GIN1: variants seen among roughly 807,000 people sequenced by gnomAD.
GIN1 encodes gypsy retrotransposon integrase 1.
A neutral mutation model predicts 51.4 loss-of-function variants in GIN1; 41 were observed. The ratio of observed to expected loss-of-function variants is 0.80; its 90% confidence interval spans 0.62 to 1.04. The LOEUF (loss-of-function observed/expected upper bound fraction) is 1.04. Among genes scored for constraint, GIN1 ranks in the 50% least tolerant of loss-of-function variants. GIN1 has a pLI of 0.00. For missense variants in GIN1, 610 were observed against 612.4 expected (o/e 1.00, Z 0.04); for synonymous variants, 222 against 206.5 (o/e 1.07, Z -0.64).
intron 7 of GIN1, among the ~76,000 whole-genome samples, chr5:103,095,032 C>T (rs1554194869): frequency 2.0e-5 from 3 of 152,196 alleles, no homozygotes; most frequent in Non-Finnish European, 4.4e-5. Flanking sequence ...AAGCAGCCCA[C>T]ATGGGCTTTA....
intron 3 of GIN1, 45 bp downstream of exon 3, chr5:103,106,671 A>G (rs368380917): frequency 6.7e-5 from 75 of 1,119,212 alleles, no homozygotes; most frequent in Non-Finnish European, 9.4e-5. Context: ...TTAAGTATCT[A>G]TCAGAAAGAC....
At position 103,088,175 on chromosome 5, in the gene GIN1, G is replaced by A. The variant is rs577389717; in HGVS notation, c.1295-3C>T. 2 of 1,449,772 alleles carry A rather than the reference G, an allele frequency of 1.4e-6. No homozygotes were observed. The highest frequency in any genetic ancestry group is 1.8e-4 in the Middle Eastern group (1 of 5,478). The allele number at this position is 1,449,772 out of a possible 1,614,324, so 89.8% of individuals were successfully genotyped here. Reference sequence around the variant, plus strand: ...ACCTTGCAAGAGATAAAGACTTTCTGAAAAAAGAAAAATCATACATTTGAC... The same window carrying A: ...ACCTTGCAAGAGATAAAGACTTTCTAAAAAAAGAAAAATCATACATTTGAC... On this transcript the variant is annotated splice_polypyrimidine_tract_variant and splice_region_variant and intron_variant, in intron 7 of 7. Transcript: ENST00000399004.
chr5:103,115,631 T>G (rs1788011339), intron 1 of GIN1, among the ~76,000 whole-genome samples: 1 of 152,314 alleles, frequency 6.6e-6, no homozygotes, highest in South Asian at 2.1e-4. Context: ...CAAATGTGAA[T>G]GTACTTAAAG....
chr5:103,097,828 A>C (rs1787452005), intron 4 of GIN1, 47 bp from the exon 5 acceptor site: 1 of 762,816 alleles, frequency 1.3e-6, no homozygotes, highest in Non-Finnish European at 2.1e-6. Context: ...TTTGTGTTTT[A>C]TTTTTCCATT....
At chr5:103,110,638 G>A (rs977285750) in intron 1 of GIN1, among the ~76,000 whole-genome samples, 8 of 152,090 alleles carry the variant, frequency 5.3e-5, no homozygotes, top group African/African-American at 1.9e-4. Context: ...ATACATTGTG[G>A]GAGGATAAAA....
At chr5:103,103,327 G>A (rs1176821856) in intron 4 of GIN1, among the ~76,000 whole-genome samples, 12 of 152,288 alleles carry the variant, frequency 7.9e-5, no homozygotes, top group African/African-American at 1.2e-4. Flanking sequence ...CTTGTACCTG[G>A]TTCTCCCAAT....
intron 3 of GIN1, among the ~76,000 whole-genome samples, chr5:103,105,706 C>T (rs1357108558): frequency 6.6e-6 from 1 of 152,122 alleles, no homozygotes; most frequent in Non-Finnish European, 1.5e-5. Flanking sequence ...CTAGAAACTA[C>T]TTTCAAACTA....
chr5:103,088,004 T>G lies in GIN1; in HGVS notation c.1463A>C (p.Tyr488Ser). The change falls in exon 8 of 8, where the codon TAT becomes TCT. Residue 488 changes from tyrosine (Y) to serine (S), a missense_variant. Tyr to Ser is a moderately radical substitution (Grantham distance 144). Transcript: ENST00000399004. ...CAATGGAGAGATTTTCGTATTTCTATATTCTAATAGTTCACGATCCTTGCT... is the reference window on the plus strand; with the variant it reads ...CAATGGAGAGATTTTCGTATTTCTAGATTCTAATAGTTCACGATCCTTGCT... ...TSSKDRELLE[Y>S]RNTKISPLID... is the part of the protein sequence containing the mutation. The G allele has an allele frequency of 1.9e-6, 3 of 1,604,082 alleles. No individual in the cohort carries two copies. The highest frequency in any genetic ancestry group is 2.6e-6 in the Non-Finnish European group (3 of 1,171,174).
intron 1 of GIN1, among the ~76,000 whole-genome samples, chr5:103,112,880 A>T (rs1205332184): frequency 6.6e-6 from 1 of 152,188 alleles, no homozygotes; most frequent in Non-Finnish European, 1.5e-5. Context: ...AATAAAATGA[A>T]ATCCCTGTCC....
intron 1 of GIN1, among the ~76,000 whole-genome samples, chr5:103,117,407 A>C (rs184500213): frequency 6.6e-6 from 1 of 152,118 alleles, no homozygotes; most frequent in Non-Finnish European, 1.5e-5. Context: ...ATTGCACTGC[A>C]TAAGAATGTT....
At chr5:103,098,623 T>TA (rs1416946383) in intron 4 of GIN1, among the ~76,000 whole-genome samples, 1 of 152,062 alleles carries the variant, frequency 6.6e-6, no homozygotes, top group Non-Finnish European at 1.5e-5. Context: ...CATGCCCACC[T>TA]AATTTTTAAA....
chr5:103,096,124 GGGAGGTCA>G (rs1787384755), intron 7 of GIN1, among the ~76,000 whole-genome samples: 1 of 151,660 alleles, frequency 6.6e-6, no homozygotes, highest in Non-Finnish European at 1.5e-5. Context: ...GGCAGGTCAC[GGGAGGTCA>G]GGAGTTCAAG....
intron 1 of GIN1, among the ~76,000 whole-genome samples, chr5:103,112,500 A>C (rs1787915644): frequency 6.6e-6 from 1 of 152,138 alleles, no homozygotes; most frequent in Non-Finnish European, 1.5e-5. Flanking sequence ...TACCCTCTAC[A>C]ACCTGGCAGA....
chr5:103,118,956 T>G (rs1279944985), intron 1 of GIN1, among the ~76,000 whole-genome samples: 2 of 152,216 alleles, frequency 1.3e-5, no homozygotes, highest in Non-Finnish European at 2.9e-5. Context: ...TTAAAATCAT[T>G]ACTTAATGTA....
At chr5:103,112,025 C>A (rs781856345) in intron 1 of GIN1, among the ~76,000 whole-genome samples, 1 of 151,408 alleles carries the variant, frequency 6.6e-6, no homozygotes, top group Non-Finnish European at 1.5e-5. Context: ...GAAAGTAGAT[C>A]GAAATAGAGA....
chr5:103,111,822 C>T (rs1338364660), intron 1 of GIN1, among the ~76,000 whole-genome samples: 1 of 152,154 alleles, frequency 6.6e-6, no homozygotes, highest in Non-Finnish European at 1.5e-5. Flanking sequence ...CCTCCCCCTA[C>T]CCATTTACCT....
chr5:103,104,715 G>A lies in GIN1; in HGVS notation c.465C>T (p.Asn155=), dbSNP rs782695043. 4.0e-5 allele frequency: 65 copies of A among 1,612,574 alleles called. No homozygotes were observed. The highest frequency in any genetic ancestry group is 5.4e-5 in the Non-Finnish European group (64 of 1,178,788). Residue 155 remains asparagine (N), a synonymous_variant, in exon 4 of 8, where the codon AAC becomes AAT. Coordinates refer to ENST00000399004, the MANE Select transcript of GIN1 (RefSeq NM_017676.2). ...VDLMGPFHTS[N]RSHVYAIIMT... ...TGATTATAGCATATACATGACTTCTGTTGCTTGTATGAAAAGGCCCCATCA... is the reference window on the plus strand; with the variant it reads ...TGATTATAGCATATACATGACTTCTATTGCTTGTATGAAAAGGCCCCATCA...
chr5:103,088,470 A>C (rs1787143295), intron 7 of GIN1, among the ~76,000 whole-genome samples: 1 of 151,984 alleles, frequency 6.6e-6, no homozygotes, highest in South Asian at 2.1e-4. Context: ...ACGGGATAGA[A>C]GGAGTGAGAA....
chr5:103,088,254 C>A, intron 7 of GIN1, 82 bp from the exon 8 acceptor site: 1 of 744,630 alleles, frequency 1.3e-6, no homozygotes, highest in Non-Finnish European at 2.1e-6. Context: ...AAGTGAGGAA[C>A]AAAATCCCAA....
Sources: allele counts gnomAD v4.1 joint callset (sites outside exome capture counted in the v4.1 genomes callset), GRCh38; gene constraint gnomAD v4.1.1; transcripts MANE v1.5; gene names NCBI Gene and HGNC (gene_info 2026-07-23, HGNC 2026-07-21).